Variants in MALAT1 observed in about 807,000 individuals in gnomAD.
MALAT1 encodes hepcarcin.
intron 3 of MALAT1, chr11:65,504,470 GAGT>G (rs780560801): frequency 1.9e-6 from 1 of 518,970 alleles, no homozygotes; most frequent in Admixed American, 1.9e-5. Context: ...CCAATGCTTG[GAGT>G]AGTGATTGTT....
intron 3 of MALAT1, chr11:65,504,035 C>T (rs777031337): frequency 1.2e-5 from 6 of 517,964 alleles, no homozygotes; most frequent in South Asian, 5.6e-5. Context: ...ACTTTAAATG[C>T]TTACAATCTT....
In MALAT1 at chr11:65,504,011, A is replaced by G. The variant is rs747719742; in HGVS notation, n.5168+106A>G. On this transcript the variant is annotated intron_variant and non_coding_transcript_variant, in intron 3 of 3. Transcript: ENST00000619449. The stretch of plus-strand genomic sequence containing the variant: ...AGAGTAATACTTTTTCACATTTCCA[A>G]AGTTTGCATGTTAACTTTAAATGCT... 1.9e-5 allele frequency: 10 copies of G among 517,774 alleles called. 1 individual carries two copies. Among genetic ancestry groups the G allele is most frequent in the South Asian group, 1.4e-4 (10 of 71,394 alleles). The allele number at this position is 517,774 out of a possible 1,614,324, so 32.1% of individuals were successfully genotyped here. A position where few individuals can be genotyped will look rare whatever the true frequency, so the allele number is the denominator to read the frequency against.
exon 3 of MALAT1, chr11:65,500,134 G>C (rs1285840334): frequency 2.0e-6 from 1 of 496,208 alleles, no homozygotes; most frequent in Non-Finnish European, 4.0e-6. Flanking sequence ...AAGCTAGAAG[G>C]GGAAGTTGGT....
chr11:65,499,763 A>G (rs576881327), exon 3 of MALAT1: 1 of 432,520 alleles, frequency 2.3e-6, no homozygotes, highest in Non-Finnish European at 4.5e-6. Flanking sequence ...GATAAATTTA[A>G]ACCTGAAAAG....
At chr11:65,499,863 G>A (rs1045752845) in exon 3 of MALAT1, 2 of 425,286 alleles carry the variant, frequency 4.7e-6, no homozygotes, top group Non-Finnish European at 9.1e-6. Context: ...ATAGAAACAA[G>A]ATAGAAAATG....
exon 3 of MALAT1, chr11:65,501,597 T>C (rs761306481): frequency 3.9e-6 from 2 of 518,978 alleles, no homozygotes; most frequent in East Asian, 5.4e-5. Context: ...CCACAGATGC[T>C]ATAGTACTAT....
chr11:65,498,164 T>A (rs1854437615), intron 1 of MALAT1: 1 of 518,896 alleles, frequency 1.9e-6, no homozygotes. Flanking sequence ...TCTGGGTGTG[T>A]CCCTGACTGG....
chr11:65,505,100 C>T (rs1446187100), intron 3 of MALAT1: 2 of 518,868 alleles, frequency 3.9e-6, no homozygotes, highest in Non-Finnish European at 7.7e-6. Context: ...CAGCTTTATG[C>T]TGGAGTAACT....
exon 3 of MALAT1, chr11:65,501,970 T>C (rs1854557819): frequency 1.9e-6 from 1 of 513,596 alleles, no homozygotes; most frequent in African/African-American, 1.9e-5. Context: ...AGTCTTAGAA[T>C]GGAAAAAGTA....
chr11:65,505,264 C>G, intron 3 of MALAT1: 1 of 518,376 alleles, frequency 1.9e-6, no homozygotes, highest in Non-Finnish European at 3.9e-6. Context: ...GACAACAAAG[C>G]GCTATTATCC....
chr11:65,499,807 C>G (rs1565675925), exon 3 of MALAT1: 4 of 416,764 alleles, frequency 9.6e-6, no homozygotes, highest in Admixed American at 3.3e-5. Context: ...AGCTAGGAAA[C>G]AAAAAGCTAA....
chr11:65,504,883 C>T (rs769232963), intron 3 of MALAT1: 5 of 518,712 alleles, frequency 9.6e-6, no homozygotes, highest in Middle Eastern at 3.2e-4. Context: ...GAAAAAATAG[C>T]CTATTTACTT....
intron 1 of MALAT1, chr11:65,498,454 G>T (rs1041210775): frequency 7.7e-6 from 4 of 518,504 alleles, no homozygotes; most frequent in Non-Finnish European, 1.5e-5. Context: ...CCAAGAGTGG[G>T]TTTTCACGTT....
chr11:65,506,355 G>A (rs1247755166), exon 4 of MALAT1: 1 of 458,960 alleles, frequency 2.2e-6, no homozygotes, highest in South Asian at 1.6e-5. Flanking sequence ...ATTTACACGA[G>A]AACCTAATAT....
intron 3 of MALAT1, chr11:65,505,563 C>A (rs1165825705): frequency 1.9e-6 from 1 of 515,740 alleles, no homozygotes; most frequent in South Asian, 1.4e-5. Context: ...TGCCACATCG[C>A]CACCCCGTGC....
chr11:65,500,729 C>T (rs1304025318), exon 3 of MALAT1: 1 of 518,840 alleles, frequency 1.9e-6, no homozygotes, highest in Non-Finnish European at 3.8e-6. Context: ...ACCAGCATGC[C>T]AGTGTGCCAA....
intron 1 of MALAT1, chr11:65,498,410 G>T: frequency 1.9e-6 from 1 of 518,592 alleles, no homozygotes; most frequent in South Asian, 1.4e-5. Flanking sequence ...GCTCAGGCGG[G>T]GAGCAGCTCT....
chr11:65,499,745 A>G (rs1854496896), exon 3 of MALAT1: 1 of 433,138 alleles, frequency 2.3e-6, no homozygotes, highest in Non-Finnish European at 4.5e-6. Context: ...TACTTTTAGA[A>G]GAAAAAAGAT....
At chr11:65,500,875 T>A (rs767861075) in exon 3 of MALAT1, 1 of 518,208 alleles carries the variant, frequency 1.9e-6, no homozygotes, top group Non-Finnish European at 3.9e-6. Context: ...GTAAAGGGAT[T>A]TATATGGGGA....
Sources: gnomAD v4.1 joint callset for allele counts on GRCh38, gnomAD v4.1.1 for gene constraint, MANE v1.5 for transcripts, NCBI Gene and HGNC (gene_info 2026-07-23, HGNC 2026-07-21) for gene names.